Variants in HS6ST2 observed in about 807,000 individuals in gnomAD.
HS6ST2 encodes heparan sulfate 6-O-sulfotransferase 2.
HS6ST2 carries 17 observed loss-of-function variants against 33.0 expected under a neutral mutation model. That is an observed-to-expected ratio of 0.52 (90% CI 0.35 to 0.77). The LOEUF (loss-of-function observed/expected upper bound fraction) is 0.77. Among genes scored for constraint, HS6ST2 ranks in the 30% least tolerant of loss-of-function variants. HS6ST2 has a pLI of 0.01. For missense variants in HS6ST2, 519 were observed against 551.7 expected (o/e 0.94, Z 0.59); for synonymous variants, 248 against 237.1 (o/e 1.05, Z -0.42).
intron 3 of HS6ST2, among the ~76,000 whole-genome samples, chrX:132,683,843 T>A (rs2063994093): frequency 9.1e-6 from 1 of 110,322 alleles, no homozygotes; most frequent in Non-Finnish European, 1.9e-5. Flanking sequence ...CAGACTAGGG[T>A]CAGAGCACTA....
At chrX:132,842,793 C>A (rs189748161) in intron 2 of HS6ST2, among the ~76,000 whole-genome samples, 1 of 112,307 alleles carries the variant, frequency 8.9e-6, no homozygotes, top group Non-Finnish European at 1.9e-5. Flanking sequence ...CAGTCTTTAT[C>A]CACAATTCAT....
chrX:132,916,596 T>A (rs1262728439), intron 2 of HS6ST2, among the ~76,000 whole-genome samples: 3 of 112,172 alleles, frequency 2.7e-5, no homozygotes, highest in African/African-American at 9.7e-5. Context: ...CCAGCGTGGC[T>A]AGAACAAAGC....
At chrX:132,848,133 A>C (rs1325963665) in intron 2 of HS6ST2, among the ~76,000 whole-genome samples, 3 of 111,683 alleles carry the variant, frequency 2.7e-5, no homozygotes, top group Non-Finnish European at 5.7e-5. Flanking sequence ...TTTTTTTCTG[A>C]GCAGGCTAAG....
chrX:132,669,573 C>G (rs1037344197), intron 3 of HS6ST2: 3 of 120,900 alleles, frequency 2.5e-5, no homozygotes, highest in East Asian at 2.4e-4. Flanking sequence ...GCACTGAATT[C>G]TCTTCATTAC....
chrX:132,639,650 A>T (rs1047663056), intron 4 of HS6ST2, among the ~76,000 whole-genome samples: 2 of 111,613 alleles, frequency 1.8e-5, no homozygotes, highest in African/African-American at 6.5e-5. Context: ...TTTCTATGTG[A>T]CATCTTCTGT....
At chrX:132,892,480 C>A (rs1173636222) in intron 2 of HS6ST2, among the ~76,000 whole-genome samples, 2 of 111,788 alleles carry the variant, frequency 1.8e-5, no homozygotes, top group Non-Finnish European at 3.8e-5. Flanking sequence ...GTTCCAAGAC[C>A]CCCTGTGGTA....
rs756057080 is a variant in HS6ST2 at position 132,956,795 on chromosome X, G to A, written c.947+13C>T. ...TAGGCCCGGGTCCCGCTCGACTACCGGCGCGCACTCACCTGGACGGTCTCA... is the reference window on the plus strand; with the variant it reads ...TAGGCCCGGGTCCCGCTCGACTACCAGCGCGCACTCACCTGGACGGTCTCA... On this transcript the variant is annotated intron_variant, in intron 2 of 4. Transcript: ENST00000370833. The A allele has an allele frequency of 5.7e-5, 65 of 1,149,597 alleles. No individual in the cohort carries two copies. The highest frequency in any genetic ancestry group is 2.9e-4 in the Middle Eastern group (1 of 3,403). The allele number at this position is 1,149,597 out of a possible 1,213,427, so 94.7% of individuals were successfully genotyped here. A position where few individuals can be genotyped will look rare whatever the true frequency, so the allele number is the denominator to read the frequency against.
chrX:132,813,685 T>C (rs772506116), intron 2 of HS6ST2, among the ~76,000 whole-genome samples: 28 of 110,280 alleles, frequency 2.5e-4, no homozygotes, highest in Middle Eastern at 9.1e-3. Flanking sequence ...ATTGGTCACA[T>C]GTCCTGTCTT....
chrX:132,810,277 A>G (rs2065328669), intron 2 of HS6ST2, among the ~76,000 whole-genome samples: 1 of 108,957 alleles, frequency 9.2e-6, no homozygotes, highest in Non-Finnish European at 1.9e-5. Flanking sequence ...CTGGTGGTGC[A>G]TGCCTGTAGT....
chrX:132,669,166 T>G lies in HS6ST2; in HGVS notation c.1014A>C (p.Ala338=), dbSNP rs1208387899. 1.7e-6 allele frequency: 2 copies of G among 1,207,281 alleles called. No homozygotes were observed. The highest frequency in any genetic ancestry group is 4.4e-5 in the Admixed American group (2 of 45,640). Residue 338 remains alanine, a synonymous_variant, in exon 4 of 5, where the codon GCA becomes GCC. Coordinates refer to ENST00000370833, the MANE Select transcript of HS6ST2 (RefSeq NM_001394073.1). ...KDKRGSPNTN[A]GANSPSSTKT... ...TTGTGGATGACGGAGAGTTGGCGCC[T>G]GCGTTAGTGTTTGGAGAACCCCGTT...
intron 4 of HS6ST2, among the ~76,000 whole-genome samples, chrX:132,630,276 G>A (rs1468421604): frequency 8.9e-6 from 1 of 112,464 alleles, no homozygotes; most frequent in Non-Finnish European, 1.9e-5. Context: ...AGAATGGCTT[G>A]CAACTTTTCT....
chrX:132,941,970 A>AT (rs2066892288), intron 2 of HS6ST2, among the ~76,000 whole-genome samples: 1 of 111,937 alleles, frequency 8.9e-6, no homozygotes, highest in Non-Finnish European at 1.9e-5. Flanking sequence ...TATCTTTCAT[A>AT]AATCTTATAG....
chrX:132,671,731 G>T (rs963770922), intron 3 of HS6ST2, among the ~76,000 whole-genome samples: 3 of 110,746 alleles, frequency 2.7e-5, no homozygotes, highest in African/African-American at 9.9e-5. Context: ...AGATATTGGG[G>T]AAATGAAAAC....
chrX:132,797,053 G>C (rs1019775062), intron 2 of HS6ST2, among the ~76,000 whole-genome samples: 1 of 111,596 alleles, frequency 9.0e-6, no homozygotes, highest in African/African-American at 3.3e-5. Context: ...TAGCCTGCCT[G>C]CTTGTCCTTA....
At chrX:132,780,457 A>G (rs1485398117) in intron 2 of HS6ST2, among the ~76,000 whole-genome samples, 1 of 110,967 alleles carries the variant, frequency 9.0e-6, no homozygotes, top group Non-Finnish European at 1.9e-5. Flanking sequence ...TTGAACCCTC[A>G]TAACTATTCC....
intron 4 of HS6ST2, among the ~76,000 whole-genome samples, chrX:132,637,929 T>TCATATATAATATTTTATATATAATA (rs1468586230): frequency 1.6e-5 from 1 of 63,602 alleles, no homozygotes; most frequent in African/African-American, 6.1e-5. Flanking sequence ...TATATATATA[T>TCATATATAATATTTTATATATAATA]TATATATAAT....
At chrX:132,812,865 C>T (rs1272330367) in intron 2 of HS6ST2, among the ~76,000 whole-genome samples, 1 of 110,799 alleles carries the variant, frequency 9.0e-6, no homozygotes, top group Non-Finnish European at 1.9e-5. Context: ...TCTGTGGTTT[C>T]CTATTTCCTT....
At chrX:132,916,038 T>C (rs889363672) in intron 2 of HS6ST2, among the ~76,000 whole-genome samples, 3 of 111,156 alleles carry the variant, frequency 2.7e-5, no homozygotes, top group Admixed American at 1.9e-4. Flanking sequence ...CAGCCTATCA[T>C]TGGTAACTTT....
intron 2 of HS6ST2, among the ~76,000 whole-genome samples, chrX:132,920,363 T>C (rs2066639596): frequency 9.0e-6 from 1 of 110,609 alleles, no homozygotes; most frequent in African/African-American, 3.3e-5. Context: ...TACAGTATCA[T>C]CGATGCTTAC....
Sources: gnomAD v4.1 joint callset for allele counts (sites outside exome capture counted in the v4.1 genomes callset) on GRCh38, gnomAD v4.1.1 for gene constraint, MANE v1.5 for transcripts, NCBI Gene and HGNC (gene_info 2026-07-23, HGNC 2026-07-21) for gene names.